The following RGS6 variants were observed in gnomAD, a reference collection of about 807,000 sequenced individuals.
RGS6 encodes the protein regulator of G protein signaling 6, also known as regulator of G-protein signaling 6.
RGS6 carries 30 observed loss-of-function variants against 78.5 expected under a neutral mutation model. The ratio of observed to expected loss-of-function variants is 0.38; its 90% CI spans 0.29 to 0.52. The LOEUF is 0.52. Among genes scored for constraint, RGS6 ranks in the 20% least tolerant of loss-of-function variants. The pLI, the probability that RGS6 is intolerant of heterozygous loss-of-function variation, is 0.85. For missense variants in RGS6, 495 were observed against 609.7 expected, an observed-to-expected ratio of 0.81 and a Z score of 1.98; for synonymous variants, 206 against 206.0, an observed-to-expected ratio of 1.00 and a Z score of 0.00.
intron 2 of RGS6, among the ~76,000 whole-genome samples, chr14:72,333,879 G>T (rs528108187): frequency 2.4e-4 from 37 of 152,222 alleles, no homozygotes; most frequent in African/African-American, 8.7e-4. Context: ...ACACACATAC[G>T]CACACCAGAT....
intron 2 of RGS6, among the ~76,000 whole-genome samples, chr14:71,981,124 A>C (rs2094429777): frequency 2.0e-5 from 3 of 147,838 alleles, no homozygotes; most frequent in African/African-American, 7.4e-5. Context: ...AGCTCCTTTA[A>C]GCACTTCTCT....
chr14:72,118,614 T>C (rs115903613), intron 2 of RGS6, among the ~76,000 whole-genome samples: 1,559 of 152,308 alleles, frequency 0.01, 23 homozygotes, highest in African/African-American at 0.035. Context: ...TTCCAAAATA[T>C]CTTTCTGAGG....
At chr14:72,250,758 A>G (rs901012758) in intron 2 of RGS6, among the ~76,000 whole-genome samples, 2 of 152,190 alleles carry the variant, frequency 1.3e-5, no homozygotes, top group Admixed American at 1.3e-4. Flanking sequence ...GTATGGTCAA[A>G]TACGTGAGCA....
intron 2 of RGS6, among the ~76,000 whole-genome samples, chr14:71,965,784 G>A (rs780398675): frequency 1.3e-5 from 2 of 152,034 alleles, no homozygotes; most frequent in African/African-American, 4.8e-5. Flanking sequence ...GTGTCTGTGT[G>A]AAAGGTAAGG....
At chr14:71,957,563 G>A (rs940734472) in intron 1 of RGS6, among the ~76,000 whole-genome samples, 2 of 152,096 alleles carry the variant, frequency 1.3e-5, no homozygotes, top group Admixed American at 6.6e-5. Context: ...GAGTCTGTGG[G>A]GAGTCGGAGG....
rs137870679 is a variant in RGS6 at position 72,417,054 on chromosome 14, C to T, written c.185-37474C>T. Among the ~76,000 whole-genome samples, 7 of 152,304 alleles carry T rather than the reference C, an allele frequency of 4.6e-5. No individual in the cohort carries two copies. The East Asian group carries it at 1.4e-3, about 29-fold the overall frequency. On this transcript the variant is annotated intron_variant, in intron 3 of 17. Transcript: ENST00000553525. The stretch of plus-strand genomic sequence containing the variant: ...TCACTGTTGCTGCTGCCACCACAGG[C>T]AGGTCAGTGGAACGTCACCCTTCAG...
At chr14:72,438,020 G>A (rs188629635) in intron 3 of RGS6, among the ~76,000 whole-genome samples, 53 of 152,266 alleles carry the variant, frequency 3.5e-4, no homozygotes, top group African/African-American at 1.3e-3. Context: ...AGTGGTGGTC[G>A]GTGTAGATTT....
chr14:72,127,739 C>G (rs2096233751), intron 2 of RGS6, among the ~76,000 whole-genome samples: 1 of 152,022 alleles, frequency 6.6e-6, no homozygotes, highest in Admixed American at 6.6e-5. Flanking sequence ...GTACAATATC[C>G]CAACCAGAAT....
chr14:72,408,986 C>T (rs1482373865), intron 3 of RGS6, among the ~76,000 whole-genome samples: 1 of 152,116 alleles, frequency 6.6e-6, no homozygotes, highest in Non-Finnish European at 1.5e-5. Flanking sequence ...TAGAAAATGA[C>T]TCTTATTCTG....
chr14:72,339,762 C>T (rs982223219), intron 2 of RGS6, among the ~76,000 whole-genome samples: 3 of 152,014 alleles, frequency 2.0e-5, no homozygotes, highest in African/African-American at 7.3e-5. Context: ...CTGGTGTGTT[C>T]GGAGGCAGCA....
chr14:72,124,024 G>A (rs913688755), intron 2 of RGS6, among the ~76,000 whole-genome samples: 4 of 152,110 alleles, frequency 2.6e-5, no homozygotes, highest in Non-Finnish European at 4.4e-5. Context: ...TATAACATTC[G>A]CTTAGAATTT....
At chr14:72,238,840 A>G (rs2051918411) in intron 2 of RGS6, among the ~76,000 whole-genome samples, 1 of 152,164 alleles carries the variant, frequency 6.6e-6, no homozygotes, top group South Asian at 2.1e-4. Context: ...TTCATATACC[A>G]TGCCTAAAAC....
upstream of RGS6, among the ~76,000 whole-genome samples, chr14:71,928,601 C>G (rs866551306): frequency 5.9e-5 from 9 of 152,210 alleles, no homozygotes; most frequent in South Asian, 1.4e-3. Flanking sequence ...CATTTCCATT[C>G]TTCTGTTCAA....
intron 2 of RGS6, among the ~76,000 whole-genome samples, chr14:72,143,223 AT>A (rs1438587363): frequency 6.6e-6 from 1 of 152,050 alleles, no homozygotes; most frequent in African/African-American, 2.4e-5. Flanking sequence ...AAATACGTAA[AT>A]TAGTCAGGCG....
intron 2 of RGS6, among the ~76,000 whole-genome samples, chr14:72,320,539 C>T (rs1450890294): frequency 1.3e-5 from 2 of 151,938 alleles, no homozygotes; most frequent in East Asian, 3.9e-4. Context: ...GATCACACCA[C>T]TACACTCCAG....
In RGS6 at chr14:72,052,699, A is replaced by T. The variant is rs143345521; in HGVS notation, c.84+87824A>T. Among the ~76,000 whole-genome samples the T allele has an allele frequency of 1.9e-4, 29 of 152,322 alleles. No homozygotes were observed. The East Asian group carries it at 5.0e-3, about 26-fold the overall frequency. ...TGGCAGTGATTAAATAGCAAGTTCA[A>T]GTGATTAAATCTGGTCCATCTCTAT... is the stretch of plus-strand genomic sequence containing the variant. On this transcript the variant is annotated intron_variant, in intron 2 of 17. Coordinates refer to ENST00000553525, the MANE Select transcript of RGS6 (RefSeq NM_001204424.2).
At chr14:72,033,769 G>T (rs2091277149) in intron 2 of RGS6, among the ~76,000 whole-genome samples, 1 of 152,202 alleles carries the variant, frequency 6.6e-6, no homozygotes, top group African/African-American at 2.4e-5. Flanking sequence ...GGGCAGGATT[G>T]CTGGATAATA....
At chr14:72,385,709 C>A (rs372234790) in intron 3 of RGS6, among the ~76,000 whole-genome samples, 2 of 152,100 alleles carry the variant, frequency 1.3e-5, no homozygotes, top group African/African-American at 4.8e-5. Context: ...CTCTGAAGCC[C>A]CCATGGGGGA....
intron 2 of RGS6, among the ~76,000 whole-genome samples, chr14:71,984,865 C>T (rs2094623162): frequency 6.6e-6 from 1 of 152,028 alleles, no homozygotes; most frequent in East Asian, 1.9e-4. Context: ...AATCGCTTTC[C>T]ATTTAAAAAG....
Sources: gnomAD v4.1 joint callset for allele counts (sites outside exome capture counted in the v4.1 genomes callset) on GRCh38, gnomAD v4.1.1 for gene constraint, MANE v1.5 for transcripts, NCBI Gene and HGNC (gene_info 2026-07-23, HGNC 2026-07-21) for gene names.